The following SH3RF3 variants were observed in gnomAD, a reference collection of about 807,000 sequenced individuals.
SH3RF3 encodes SH3 domain containing ring finger 3, also known as E3 ubiquitin-protein ligase SH3RF3.
Under a neutral mutation model 66.3 loss-of-function variants are expected in SH3RF3, and 29 were observed. The observed-to-expected ratio is 0.44, with a 90% CI of 0.33 to 0.60. The LOEUF is 0.60. SH3RF3 is among the 20% of genes least tolerant of loss of function. The pLI is 0.04. For synonymous variants in SH3RF3, 583 were observed against 532.0 expected, an observed-to-expected ratio of 1.10 and a Z score of -1.32; for missense variants, 1,194 against 1,190.9, an observed-to-expected ratio of 1.00 and a Z score of -0.04.
chr2:109,356,501 G>T (rs1682946302), intron 2 of SH3RF3, among the ~76,000 whole-genome samples: 2 of 152,200 alleles, frequency 1.3e-5, no homozygotes, highest in Non-Finnish European at 1.5e-5. Context: ...GCCTGGTGGG[G>T]TTTTCATGTG....
intron 7 of SH3RF3, among the ~76,000 whole-genome samples, chr2:109,446,651 G>C (rs1264549860): frequency 6.6e-6 from 1 of 152,184 alleles, no homozygotes; most frequent in Non-Finnish European, 1.5e-5. Flanking sequence ...AGGGGTGCTG[G>C]CACTGTGCCT....
chr2:109,211,501 G>A (rs1257027911), intron 1 of SH3RF3, among the ~76,000 whole-genome samples: 2 of 152,180 alleles, frequency 1.3e-5, no homozygotes, highest in African/African-American at 2.4e-5. Context: ...TGGAGGGGGA[G>A]CCCAGTCTTC....
At chr2:109,490,268 T>G (rs36195012) in intron 8 of SH3RF3, among the ~76,000 whole-genome samples, 1 of 151,834 alleles carries the variant, frequency 6.6e-6, no homozygotes, top group Admixed American at 6.6e-5. Flanking sequence ...GCTTACTGCT[T>G]GACTCCGGAG....
intron 1 of SH3RF3, among the ~76,000 whole-genome samples, chr2:109,264,989 G>T (rs548236357): frequency 3.3e-5 from 5 of 152,188 alleles, no homozygotes; most frequent in East Asian, 1.9e-4. Flanking sequence ...AGAGATAGCC[G>T]CATGCTCTGT....
chr2:109,209,430 C>T (rs1199236957), intron 1 of SH3RF3, among the ~76,000 whole-genome samples: 2 of 152,116 alleles, frequency 1.3e-5, no homozygotes, highest in South Asian at 2.1e-4. Context: ...CCCACCTGGC[C>T]GATTCCAAGC....
chr2:109,129,975 G>C lies in SH3RF3; in HGVS notation c.435G>C (p.Ala145=), dbSNP rs978121557. Residue 145 remains alanine, a synonymous_variant, in exon 1 of 10, where the codon GCG becomes GCC. Coordinates refer to ENST00000309415, the MANE Select transcript of SH3RF3 (RefSeq NM_001099289.3). ...PPARPIPGQS[A]APTLAGGGGG... is the part of the protein sequence containing the mutation. Reference sequence around the variant, plus strand: ...CGCGTCCCATCCCAGGCCAGAGTGCGGCCCCCACGCTCGCGGGCGGCGGGG... The same window carrying C: ...CGCGTCCCATCCCAGGCCAGAGTGCCGCCCCCACGCTCGCGGGCGGCGGGG... 2 of 1,326,824 alleles carry C rather than the reference G, an allele frequency of 1.5e-6. No homozygotes were observed. Among genetic ancestry groups the C allele is most frequent in the African/African-American group, 1.5e-5 (1 of 64,820 alleles). The allele number at this position is 1,326,824 out of a possible 1,614,324, so 82.2% of individuals were successfully genotyped here. A position where few individuals can be genotyped will look rare whatever the true frequency, so the allele number is the denominator to read the frequency against.
chr2:109,324,774 A>G (rs1246215718), intron 1 of SH3RF3, among the ~76,000 whole-genome samples: 1 of 152,192 alleles, frequency 6.6e-6, no homozygotes, highest in Non-Finnish European at 1.5e-5. Flanking sequence ...ATGAATGTCC[A>G]GACGGGGATA....
intron 1 of SH3RF3, among the ~76,000 whole-genome samples, chr2:109,268,743 A>AT (rs1491222912): frequency 6.6e-5 from 1 of 15,140 alleles, no homozygotes; most frequent in Non-Finnish European, 1.2e-4. Flanking sequence ...ACTTTATTAT[A>AT]AAAAAAAAAA....
intron 8 of SH3RF3, among the ~76,000 whole-genome samples, chr2:109,479,534 G>A (rs1031798782): frequency 2.0e-5 from 3 of 152,054 alleles, no homozygotes; most frequent in Admixed American, 6.6e-5. Context: ...GGGGTGTCGG[G>A]ATGTCCAGCT....
rs1014366906 is a variant in SH3RF3, at chr2:109,241,497, G to A, written c.574-106177G>A. Among the ~76,000 whole-genome samples, 14 of 151,892 alleles carry A rather than the reference G, an allele frequency of 9.2e-5. No individual in the cohort carries two copies. The East Asian group carries it at 1.7e-3, about 19-fold the overall frequency. On this transcript the variant is annotated intron_variant, in intron 1 of 9. Transcript: ENST00000309415. ...CTTTTGAAATTTCCTACATAAGCTC[G>A]TATTACATTTTGTTGGCAGAAAATC...
intron 8 of SH3RF3, among the ~76,000 whole-genome samples, chr2:109,474,612 G>C (rs114046621): frequency 7.9e-5 from 12 of 152,204 alleles, no homozygotes; most frequent in South Asian, 2.1e-4. Flanking sequence ...GTTTGGGCAG[G>C]GGGGGAGAAC....
chr2:109,427,389 G>A (rs13432829), intron 5 of SH3RF3, among the ~76,000 whole-genome samples: 2,304 of 152,158 alleles, frequency 0.015, 61 homozygotes, highest in African/African-American at 0.053. Flanking sequence ...CCAAAAATTC[G>A]GGTGACAGTT....
intron 8 of SH3RF3, among the ~76,000 whole-genome samples, chr2:109,484,461 C>T (rs557489753): frequency 6.6e-6 from 1 of 152,252 alleles, no homozygotes; most frequent in African/African-American, 2.4e-5. Context: ...ACCTGTTCCA[C>T]ACCTCTGACC....
At chr2:109,152,905 C>T (rs1009185007) in intron 1 of SH3RF3, among the ~76,000 whole-genome samples, 6 of 152,134 alleles carry the variant, frequency 3.9e-5, no homozygotes, top group African/African-American at 9.7e-5. Flanking sequence ...GATGGAGGCA[C>T]GCAATTGAAA....
chr2:109,270,380 T>G (rs1214689843), intron 1 of SH3RF3, among the ~76,000 whole-genome samples: 1 of 152,126 alleles, frequency 6.6e-6, no homozygotes, highest in East Asian at 1.9e-4. Context: ...GGCAGGCTCA[T>G]AGAGTGGCTG....
intron 3 of SH3RF3, among the ~76,000 whole-genome samples, chr2:109,390,721 A>G (rs1018608346): frequency 2.6e-5 from 4 of 152,194 alleles, no homozygotes; most frequent in African/African-American, 9.6e-5. Context: ...GCCGCAGGGC[A>G]GCTGGAGGTT....
chr2:109,433,740 G>A (rs1573248229), intron 6 of SH3RF3, among the ~76,000 whole-genome samples: 2 of 152,214 alleles, frequency 1.3e-5, no homozygotes, highest in South Asian at 2.1e-4. Flanking sequence ...GCCCAGAAGC[G>A]GGGGCTAAGG....
chr2:109,280,163 T>C (rs1016611077), intron 1 of SH3RF3, among the ~76,000 whole-genome samples: 1 of 152,174 alleles, frequency 6.6e-6, no homozygotes, highest in African/African-American at 2.4e-5. Flanking sequence ...CATAAAGAGC[T>C]GACATCTATA....
At position 109,289,920 on chromosome 2, in the gene SH3RF3, A is replaced by G. The variant is rs182769621; in HGVS notation, c.574-57754A>G. 2.3e-3 allele frequency among the ~76,000 whole-genome samples: 348 copies of G among 152,316 alleles called. 1 individual carries two copies. Among genetic ancestry groups the G allele is most frequent in the African/African-American group, 7.8e-3 (323 of 41,574 alleles). ...TGAGGTTCCTTCCAGCTCTGCTTCT[A>G]GTTCTTAAATCCAAAGCCTATGGGG... is the stretch of plus-strand genomic sequence containing the variant. On this transcript the variant is annotated intron_variant, in intron 1 of 9. Coordinates refer to ENST00000309415, the MANE Select transcript of SH3RF3 (RefSeq NM_001099289.3).
Sources: gnomAD v4.1 joint callset for allele counts (sites outside exome capture counted in the v4.1 genomes callset) on GRCh38, gnomAD v4.1.1 for gene constraint, MANE v1.5 for transcripts, NCBI Gene and HGNC (gene_info 2026-07-23, HGNC 2026-07-21) for gene names.